NBAS: variants seen among roughly 807,000 people sequenced by gnomAD.
NBAS encodes NAG/BC035112 fusion.
NBAS carries 219 observed loss-of-function variants against 302.5 expected under a neutral mutation model. That is an observed-to-expected ratio of 0.72 (90% CI 0.65 to 0.81). NBAS has a LOEUF of 0.81. Among genes scored for constraint, NBAS ranks in the 30% least tolerant of loss-of-function variants. The pLI is 0.00. For missense variants in NBAS, 2,932 were observed against 2,841.6 expected, an observed-to-expected ratio of 1.03 and a Z score of -0.72; for synonymous variants, 1,118 against 1,021.6, an observed-to-expected ratio of 1.09 and a Z score of -1.80.
At chr2:14,832,300 G>T in the NBAS span, among the ~76,000 whole-genome samples, 14 of 152,046 alleles carry the variant, frequency 9.2e-5, no homozygotes, top group Non-Finnish European at 1.9e-4. Flanking sequence ...TTACTTTGTT[G>T]GTACAAGTGT....
chr2:14,943,475 A>G, the NBAS span, among the ~76,000 whole-genome samples: 6 of 152,248 alleles, frequency 3.9e-5, no homozygotes. Flanking sequence ...ATTGCATTGC[A>G]GTGTCAACCT....
chr2:14,783,791 A>G, the NBAS span, among the ~76,000 whole-genome samples: 2 of 152,050 alleles, frequency 1.3e-5, no homozygotes, highest in South Asian at 2.1e-4. Flanking sequence ...ATGTGTGCAT[A>G]TGTCTTTATA....
In NBAS at chr2:15,439,571, T is replaced by C. The variant is rs553788543; in HGVS notation, c.2340-11777A>G. On this transcript the variant is annotated intron_variant, in intron 21 of 51. Coordinates refer to ENST00000281513, the MANE Select transcript of NBAS (RefSeq NM_015909.4). ...CAGCTCTGGTCTACAGCTCCCAGCG[T>C]GAGCGATGCAGAAGATGCATGATTT... is the stretch of plus-strand genomic sequence containing the variant. 3.5e-3 allele frequency among the ~76,000 whole-genome samples: 538 copies of C among 152,186 alleles called. 1 individual carries two copies. The highest frequency in any genetic ancestry group is 6.6e-3 in the Non-Finnish European group (447 of 68,020).
the NBAS span, among the ~76,000 whole-genome samples, chr2:14,782,916 T>C: frequency 6.6e-6 from 1 of 152,058 alleles, no homozygotes; most frequent in Non-Finnish European, 1.5e-5. Context: ...GGAGAATACA[T>C]GGACACATAG....
chr2:14,952,642 A>C, the NBAS span, among the ~76,000 whole-genome samples: 1 of 152,244 alleles, frequency 6.6e-6, no homozygotes, highest in South Asian at 2.1e-4. Flanking sequence ...CAATGATGCC[A>C]GTCATGCATG....
At chr2:15,011,876 C>G in the NBAS span, among the ~76,000 whole-genome samples, 1 of 152,148 alleles carries the variant, frequency 6.6e-6, no homozygotes, top group African/African-American at 2.4e-5. Flanking sequence ...AAAGCCAATG[C>G]ACCCCATAAA....
chr2:15,349,909 T>C (rs1276996556), intron 35 of NBAS, among the ~76,000 whole-genome samples: 1 of 152,184 alleles, frequency 6.6e-6, no homozygotes, highest in African/African-American at 2.4e-5. Context: ...ACAGTGCAGG[T>C]ATGACATATT....
chr2:14,871,459 A>T, the NBAS span, among the ~76,000 whole-genome samples: 1 of 152,294 alleles, frequency 6.6e-6, no homozygotes, highest in Non-Finnish European at 1.5e-5. Context: ...GACAGAAAAA[A>T]ATGAGACTAG....
intron 51 of NBAS, among the ~76,000 whole-genome samples, chr2:15,167,613 C>T (rs1309015830): frequency 6.6e-6 from 1 of 152,184 alleles, no homozygotes; most frequent in Non-Finnish European, 1.5e-5. Flanking sequence ...TTCACCAAGG[C>T]CTTCTGATTC....
chr2:15,479,483 T>C (rs915886766), intron 12 of NBAS, among the ~76,000 whole-genome samples: 11 of 152,166 alleles, frequency 7.2e-5, no homozygotes, highest in Non-Finnish European at 1.3e-4. Flanking sequence ...TGTACCTTCC[T>C]ACTTACATTT....
intron 28 of NBAS, among the ~76,000 whole-genome samples, chr2:15,389,111 G>T (rs973477559): frequency 6.6e-6 from 1 of 152,150 alleles, no homozygotes; most frequent in Non-Finnish European, 1.5e-5. Context: ...CCTTAGTTAT[G>T]CTGGAAGTGT....
chr2:15,412,553 A>G (rs527774039), intron 25 of NBAS, among the ~76,000 whole-genome samples: 9 of 152,362 alleles, frequency 5.9e-5, no homozygotes, highest in Admixed American at 5.2e-4. Flanking sequence ...CACCTATTAC[A>G]TTACTAAAAA....
downstream of NBAS, among the ~76,000 whole-genome samples, chr2:15,166,726 C>T (rs1363203400): frequency 6.6e-6 from 1 of 152,100 alleles, no homozygotes; most frequent in East Asian, 1.9e-4. Flanking sequence ...CTAATGCCAC[C>T]CCATCCACCA....
the NBAS span, among the ~76,000 whole-genome samples, chr2:15,051,340 G>A: frequency 6.6e-6 from 1 of 152,180 alleles, no homozygotes; most frequent in African/African-American, 2.4e-5. Flanking sequence ...CAGGTGAAAT[G>A]TGTGTGGAAT....
intron 9 of NBAS, among the ~76,000 whole-genome samples, chr2:15,513,145 T>G (rs1480429967): frequency 6.6e-6 from 1 of 152,230 alleles, no homozygotes; most frequent in African/African-American, 2.4e-5. Context: ...AAATGCACTT[T>G]CTTCACAGAA....
the NBAS span, among the ~76,000 whole-genome samples, chr2:14,841,473 G>GA: frequency 9.3e-6 from 1 of 106,984 alleles, no homozygotes; most frequent in African/African-American, 3.1e-5. Context: ...TGAAAGGGTA[G>GA]AAAAAAACAT....
the NBAS span, among the ~76,000 whole-genome samples, chr2:14,820,694 C>T: frequency 2.4e-3 from 365 of 151,998 alleles, no homozygotes; most frequent in African/African-American, 8.0e-3. Flanking sequence ...TGTGAGAAAC[C>T]ATTCAGGAAC....
At chr2:15,440,685 G>C (rs546898638) in intron 21 of NBAS, among the ~76,000 whole-genome samples, 1 of 152,158 alleles carries the variant, frequency 6.6e-6, no homozygotes, top group South Asian at 2.1e-4. Flanking sequence ...TTGAGAGAAG[G>C]CTTCAGATGA....
chr2:15,330,566 G>C, intron 36 of NBAS, 32 bp downstream of exon 36: 1 of 1,612,546 alleles, frequency 6.2e-7, no homozygotes, highest in Non-Finnish European at 8.5e-7. Context: ...AAACCATGCA[G>C]TTGATTTTAA....
Sources: allele counts gnomAD v4.1 joint callset (sites outside exome capture counted in the v4.1 genomes callset), GRCh38; gene constraint gnomAD v4.1.1; transcripts MANE v1.5; gene names NCBI Gene and HGNC (gene_info 2026-07-23, HGNC 2026-07-21).